Variants in TAF11L2 observed in about 807,000 individuals in gnomAD.
The protein encoded by TAF11L2 is TATA-box binding protein associated factor 11 like 2.
chr5:17,498,553 G>T (rs532896141), exon 1 of TAF11L2: 12 of 398,856 alleles, frequency 3.0e-5, no homozygotes, highest in East Asian at 2.5e-4. Flanking sequence ...CAGCTGTCCC[G>T]CTACGAAGTG....
chr5:17,498,415 C>T (rs1486485012), exon 1 of TAF11L2: 1 of 398,772 alleles, frequency 2.5e-6, no homozygotes, highest in Non-Finnish European at 4.4e-6. Context: ...AATGAGGCCT[C>T]AGCCTCAGCT....
exon 1 of TAF11L2, chr5:17,498,781 C>T: frequency 2.5e-6 from 1 of 398,600 alleles, no homozygotes; most frequent in Non-Finnish European, 4.4e-6. Context: ...AGGTTAAAGC[C>T]CAAGGGCCTC....
rs575181611 is a variant in TAF11L2, at chr5:17,498,558, G to A, written c.328G>A (p.Glu110Lys). The A allele has an allele frequency of 6.8e-4, 270 of 398,916 alleles. 7 individuals are homozygous for A. Among genetic ancestry groups the A allele is most frequent in the African/African-American group, 4.7e-3 (227 of 48,482 alleles). 24.7% of individuals were successfully genotyped at this position (398,916 alleles called of 1,614,324 possible). Residue 110 changes from glutamate (E) to lysine (K), a missense_variant, in exon 1 of 1, where the codon GAA (glutamate) becomes AAA (lysine). Coordinates refer to ENST00000639081, the Ensembl canonical transcript of TAF11L2. ...GTCTGAGGAGCAGCTGTCCCGCTAC[G>A]AAGTGTGTCGCCGGTCAGCTTTCCC... is the stretch of plus-strand genomic sequence containing the variant.
chr5:17,498,377 G>A (rs1349033011), exon 1 of TAF11L2: 7 of 398,458 alleles, frequency 1.8e-5, no homozygotes, highest in South Asian at 1.3e-4. Flanking sequence ...TCAGGAGTGA[G>A]GATGTCATGG....
exon 1 of TAF11L2, chr5:17,498,277 T>C: frequency 2.5e-6 from 1 of 398,470 alleles, no homozygotes; most frequent in East Asian, 3.6e-5. Flanking sequence ...ATGTTCGCCA[T>C]GCCCCGAGAT....
chr5:17,498,814 A>G (rs1211111745), exon 1 of TAF11L2: 11 of 398,578 alleles, frequency 2.8e-5, no homozygotes, highest in Non-Finnish European at 4.9e-5. Flanking sequence ...AACTACAAAA[A>G]AATCATGTTC....
Position 17,498,770 on chromosome 5 carries a change from C to T in TAF11L2, c.540C>T (p.Arg180=), listed in dbSNP as rs2002432. Residue 180 remains arginine, a synonymous_variant, in exon 1 of 1, where the codon CGC becomes CGT. Coordinates refer to ENST00000639081, the Ensembl canonical transcript of TAF11L2. ...CCAAGCATTTAAGGGAGGCTGTTCG[C>T]AGGTTAAAGCCCAAGGGCCTCTTCC... 2,381 of 398,606 alleles carry T rather than the reference C, an allele frequency of 6.0e-3. 77 individuals are homozygous for T. Among genetic ancestry groups the T allele is most frequent in the Admixed American group, 0.053 (1,214 of 22,700 alleles). 24.7% of individuals were successfully genotyped at this position (398,606 alleles called of 1,614,324 possible).
chr5:17,498,756 A>C, exon 1 of TAF11L2: 1 of 398,566 alleles, frequency 2.5e-6, no homozygotes, highest in Non-Finnish European at 4.4e-6. Context: ...CAAGCATTTA[A>C]GGGAGGCTGT....
At chr5:17,498,455 T>C (rs1738261535) in exon 1 of TAF11L2, 2 of 399,016 alleles carry the variant, frequency 5.0e-6, no homozygotes, top group Non-Finnish European at 4.4e-6. Flanking sequence ...GGAAAACAGA[T>C]ACCAAAGGAA....
exon 1 of TAF11L2, chr5:17,498,672 G>A (rs191275284): frequency 1.5e-5 from 6 of 398,674 alleles, no homozygotes; most frequent in African/African-American, 1.0e-4. Context: ...AATAGCCAAG[G>A]TCTTTGTTGG....
exon 1 of TAF11L2, chr5:17,498,249 A>G (rs1731078978): frequency 2.0e-5 from 8 of 398,480 alleles, no homozygotes; most frequent in Non-Finnish European, 2.2e-5. Flanking sequence ...AGGCAGGCAA[A>G]CAGGTGTGTC....
chr5:17,498,634 C>A, exon 1 of TAF11L2: 1 of 398,756 alleles, frequency 2.5e-6, no homozygotes, highest in Non-Finnish European at 4.4e-6. Flanking sequence ...AGATCGGTGT[C>A]TGAGAACGTG....
At chr5:17,498,758 G>A in exon 1 of TAF11L2, 2 of 398,644 alleles carry the variant, frequency 5.0e-6, no homozygotes, top group Non-Finnish European at 8.8e-6. Context: ...AGCATTTAAG[G>A]GAGGCTGTTC....
At chr5:17,498,374 T>G in exon 1 of TAF11L2, 1 of 398,160 alleles carries the variant, frequency 2.5e-6, no homozygotes, top group Non-Finnish European at 4.4e-6. Flanking sequence ...AGCTCAGGAG[T>G]GAGGATGTCA....
chr5:17,498,568 G>A (rs1266983170), exon 1 of TAF11L2: 5 of 398,830 alleles, frequency 1.3e-5, no homozygotes, highest in East Asian at 3.6e-5. Flanking sequence ...GAAGTGTGTC[G>A]CCGGTCAGCT....
chr5:17,498,250 C>G (rs75595798), exon 1 of TAF11L2: 1 of 398,442 alleles, frequency 2.5e-6, no homozygotes, highest in East Asian at 3.6e-5. Flanking sequence ...GGCAGGCAAA[C>G]AGGTGTGTCT....
chr5:17,498,395 A>G, exon 1 of TAF11L2: 2 of 398,754 alleles, frequency 5.0e-6, no homozygotes, highest in Admixed American at 4.4e-5. Flanking sequence ...TGGACCTCAC[A>G]GAAGGTGACA....
chr5:17,498,738 C>T, exon 1 of TAF11L2: 1 of 398,650 alleles, frequency 2.5e-6, no homozygotes, highest in Non-Finnish European at 4.4e-6. Context: ...AATGCCCCCA[C>T]TGCAGCCCAA....
chr5:17,498,570 C>G (rs1269990541), exon 1 of TAF11L2: 2 of 398,718 alleles, frequency 5.0e-6, no homozygotes, highest in Non-Finnish European at 8.8e-6. Context: ...AGTGTGTCGC[C>G]GGTCAGCTTT....
Sources: gnomAD v4.1 joint callset for allele counts on GRCh38, gnomAD v4.1.1 for gene constraint, MANE v1.5 for transcripts, NCBI Gene and HGNC (gene_info 2026-07-23, HGNC 2026-07-21) for gene names.